Variants in CDH12 observed in about 807,000 individuals in gnomAD.
CDH12 encodes cadherin-12.
In CDH12, 41 loss-of-function variants were observed where a neutral mutation model predicts 74.1. The ratio of observed to expected loss-of-function variants is 0.55; its 90% CI spans 0.43 to 0.72. CDH12 has a LOEUF of 0.72. Ranked by LOEUF, CDH12 falls within the 30% of genes least tolerant of loss-of-function variation. The probability of loss-of-function intolerance (pLI) is 0.00; values close to 1 mark genes in which losing one functional copy is unlikely to be tolerated. For synonymous variants in CDH12, 399 were observed against 355.0 expected (o/e 1.12, Z -1.39); for missense variants, 945 against 977.2 (o/e 0.97, Z 0.44).
At position 22,376,196 on chromosome 5, in the gene CDH12, G is replaced by A. The variant is rs142622076; in HGVS notation, c.-333+29061C>T. On this transcript the variant is annotated intron_variant, in intron 3 of 14. Transcript: ENST00000382254. ...TCATTATGTTAAGTGAGAAAAGCTA[G>A]GCACAGAAAGAGAGACACCACATGT... Among the ~76,000 whole-genome samples the A allele has an allele frequency of 1.6e-3, 249 of 152,232 alleles. 5 individuals carry two copies. In the East Asian group the frequency reaches 0.031, roughly 19 times the overall value.
In CDH12 at chr5:22,280,139, AT is replaced by A. The variant is rs200868399; in HGVS notation, c.-332-67497del. ...TCTCTGATGTCCAGTAATGATGAGCATTTTTTTATGTGTCTGTTGGCTGCAT... is the reference window on the plus strand; with the variant it reads ...TCTCTGATGTCCAGTAATGATGAGCATTTTTTATGTGTCTGTTGGCTGCAT... On this transcript the variant is annotated intron_variant, in intron 3 of 14. Transcript: ENST00000382254. Among the ~76,000 whole-genome samples the A allele has an allele frequency of 6.6e-3, 1,009 of 152,228 alleles. 6 individuals are homozygous for A. Among genetic ancestry groups the A allele is most frequent in the African/African-American group, 0.022 (932 of 41,550 alleles).
chr5:22,287,439 A>G (rs1474875794), intron 3 of CDH12, among the ~76,000 whole-genome samples: 1 of 152,124 alleles, frequency 6.6e-6, no homozygotes, highest in African/African-American at 2.4e-5. Context: ...TAAAATGTAT[A>G]ACAGGCTGGG....
intron 11 of CDH12, among the ~76,000 whole-genome samples, chr5:21,770,392 G>A (rs1408313452): frequency 6.6e-6 from 1 of 152,126 alleles, no homozygotes; most frequent in Non-Finnish European, 1.5e-5. Context: ...GGGAGGCCAA[G>A]GCAAGTGGAT....
chr5:22,501,552 C>T lies in CDH12; in HGVS notation c.-428+3718G>A, dbSNP rs72744896. 4.9e-3 allele frequency among the ~76,000 whole-genome samples: 739 copies of T among 151,410 alleles called. 2 individuals carry two copies. Among genetic ancestry groups the T allele is most frequent in the Non-Finnish European group, 8.8e-3 (594 of 67,736 alleles). On this transcript the variant is annotated intron_variant, in intron 2 of 14. Transcript: ENST00000382254. ...TGTGTAGATGATGAATCATAATTCC[C>T]AATGACAAGTCCATTGTGAAATCCT...
intron 1 of CDH12, among the ~76,000 whole-genome samples, chr5:22,622,319 T>C (rs566124499): frequency 1.4e-4 from 21 of 150,070 alleles, no homozygotes; most frequent in African/African-American, 4.1e-4. Context: ...ATCAGGAAGA[T>C]TGGCATGTCT....
At chr5:21,960,741 G>A (rs1432582069) in intron 6 of CDH12, among the ~76,000 whole-genome samples, 1 of 151,862 alleles carries the variant, frequency 6.6e-6, no homozygotes, top group East Asian at 1.9e-4. Flanking sequence ...ACACGTGTGT[G>A]TGTGTAGGTA....
intron 1 of CDH12, among the ~76,000 whole-genome samples, chr5:22,690,296 G>T (rs1031746314): frequency 8.5e-5 from 13 of 152,112 alleles, no homozygotes; most frequent in East Asian, 1.9e-4. Context: ...ATAAAACAGG[G>T]TATGGGAATT....
At chr5:22,046,426 A>ATTTTTTTTTTTTTTTTTT (rs1739955012) in intron 5 of CDH12, among the ~76,000 whole-genome samples, 1 of 127,462 alleles carries the variant, frequency 7.8e-6, no homozygotes, top group African/African-American at 3.8e-5. Context: ...TGGTCATTTA[A>ATTTTTTTTTTTTTTTTTT]TTTCTTTTTT....
intron 4 of CDH12, among the ~76,000 whole-genome samples, chr5:22,154,559 A>G (rs1358703271): frequency 6.7e-6 from 1 of 149,888 alleles, no homozygotes; most frequent in Non-Finnish European, 1.5e-5. Context: ...GTACACATAT[A>G]TATACACATA....
intron 3 of CDH12, among the ~76,000 whole-genome samples, chr5:22,321,814 C>G (rs979998575): frequency 6.6e-6 from 1 of 151,932 alleles, no homozygotes; most frequent in Non-Finnish European, 1.5e-5. Flanking sequence ...TCCAGAATAG[C>G]AAGCAGCAAC....
At chr5:22,476,454 T>C (rs1746176083) in intron 2 of CDH12, among the ~76,000 whole-genome samples, 2 of 152,100 alleles carry the variant, frequency 1.3e-5, no homozygotes, top group African/African-American at 4.8e-5. Flanking sequence ...CTTATGGGTA[T>C]CACACATTTT....
At chr5:22,461,174 C>T (rs1165072477) in intron 2 of CDH12, among the ~76,000 whole-genome samples, 2 of 150,764 alleles carry the variant, frequency 1.3e-5, no homozygotes, top group African/African-American at 2.4e-5. Flanking sequence ...ACTACAGGTG[C>T]GTGCCACCAC....
At chr5:22,231,392 T>G (rs1289641330) in intron 3 of CDH12, among the ~76,000 whole-genome samples, 1 of 150,984 alleles carries the variant, frequency 6.6e-6, no homozygotes, top group Non-Finnish European at 1.5e-5. Flanking sequence ...AATGATTATT[T>G]CCTTCTTTCT....
chr5:22,401,528 C>T (rs1490197431), intron 3 of CDH12, among the ~76,000 whole-genome samples: 1 of 152,106 alleles, frequency 6.6e-6, no homozygotes, highest in Non-Finnish European at 1.5e-5. Context: ...TGGCAGCACT[C>T]ATCTAAACTA....
At chr5:22,662,943 T>C (rs1419558925) in intron 1 of CDH12, among the ~76,000 whole-genome samples, 3 of 152,232 alleles carry the variant, frequency 2.0e-5, no homozygotes, top group Non-Finnish European at 4.4e-5. Context: ...ACTCATTTTC[T>C]CTGCTCTAAA....
At chr5:22,277,865 A>C (rs2150404581) in intron 3 of CDH12, 1 of 158,364 alleles carries the variant, frequency 6.3e-6, no homozygotes, top group South Asian at 2.0e-4. Context: ...AAACAAACAA[A>C]CGAAACAATC....
chr5:21,826,722 A>G (rs2149960152), intron 8 of CDH12, among the ~76,000 whole-genome samples: 1 of 152,336 alleles, frequency 6.6e-6, no homozygotes, highest in Middle Eastern at 3.4e-3. Flanking sequence ...AATAGAAATT[A>G]TTCTTTAAGA....
In CDH12 at chr5:21,966,881, G is replaced by A. The variant is rs553516459; in HGVS notation, c.526+8210C>T. Reference sequence around the variant, plus strand: ...GCATACTCTTCACTCTTTTTGAATCGCATGCAGTTGTCACACTGGATGATT... The same window carrying A: ...GCATACTCTTCACTCTTTTTGAATCACATGCAGTTGTCACACTGGATGATT... On this transcript the variant is annotated intron_variant, in intron 6 of 14. Coordinates refer to ENST00000382254, the MANE Select transcript of CDH12 (RefSeq NM_004061.5). Among the ~76,000 whole-genome samples, 159 of 152,160 alleles carry A rather than the reference G, an allele frequency of 1.0e-3. 2 individuals are homozygous for A. The highest frequency in any genetic ancestry group is 2.1e-4 in the Non-Finnish European group (14 of 68,008).
At chr5:22,420,235 T>C (rs1396004178) in intron 2 of CDH12, among the ~76,000 whole-genome samples, 3 of 152,212 alleles carry the variant, frequency 2.0e-5, no homozygotes, top group African/African-American at 7.2e-5. Context: ...GTTTTCTTCA[T>C]GAAATCTTTG....
Sources: gnomAD v4.1 joint callset for allele counts (sites outside exome capture counted in the v4.1 genomes callset) on GRCh38, gnomAD v4.1.1 for gene constraint, MANE v1.5 for transcripts, NCBI Gene and HGNC (gene_info 2026-07-23, HGNC 2026-07-21) for gene names.